The following ATP10A variants were observed in gnomAD, a reference collection of about 807,000 sequenced individuals.
ATP10A encodes the protein phospholipid-transporting ATPase VA.
In ATP10A, 111 loss-of-function variants were observed where a neutral mutation model predicts 147.8. That is an observed-to-expected ratio of 0.75 (90% CI 0.64 to 0.88). The LOEUF (loss-of-function observed/expected upper bound fraction) is 0.88, where lower values mean the gene tolerates loss of function less well. Ranked by LOEUF, ATP10A falls within the 40% of genes least tolerant of loss-of-function variation. ATP10A has a pLI of 0.00. For synonymous variants in ATP10A, 875 were observed against 841.6 expected, an observed-to-expected ratio of 1.04 and a Z score of -0.69; for missense variants, 1,927 against 1,959.0, an observed-to-expected ratio of 0.98 and a Z score of 0.31.
intron 1 of ATP10A, among the ~76,000 whole-genome samples, chr15:25,794,104 G>A (rs1463936325): frequency 6.6e-6 from 1 of 152,186 alleles, no homozygotes. Flanking sequence ...TGATTATAAG[G>A]TCCCTCTCTC....
At chr15:25,682,729 A>G (rs544123614) in intron 17 of ATP10A, among the ~76,000 whole-genome samples, 13 of 152,198 alleles carry the variant, frequency 8.5e-5, no homozygotes, top group Non-Finnish European at 1.5e-4. Context: ...CAGTGAATGA[A>G]TCTGGAATTA....
At chr15:25,838,216 G>T (rs1892671541) in intron 1 of ATP10A, among the ~76,000 whole-genome samples, 1 of 152,198 alleles carries the variant, frequency 6.6e-6, no homozygotes. Flanking sequence ...TCAATCAAAT[G>T]TGAAGCCAAC....
intron 1 of ATP10A, among the ~76,000 whole-genome samples, chr15:25,790,131 T>G (rs923979668): frequency 1.3e-5 from 2 of 152,178 alleles, no homozygotes; most frequent in African/African-American, 4.8e-5. Flanking sequence ...CCTTCCACCA[T>G]AAACTGAAAC....
chr15:25,793,483 T>TA (rs1488167185), intron 1 of ATP10A, among the ~76,000 whole-genome samples: 1 of 152,228 alleles, frequency 6.6e-6, no homozygotes, highest in Non-Finnish European at 1.5e-5. Flanking sequence ...CTTCCCCTTC[T>TA]AAGTGCTCAT....
intron 1 of ATP10A, among the ~76,000 whole-genome samples, chr15:25,813,046 G>A (rs1891498892): frequency 2.0e-5 from 3 of 152,296 alleles, no homozygotes; most frequent in South Asian, 4.1e-4. Context: ...ACGGAGACAC[G>A]GGCAGATGAA....
intron 9 of ATP10A, among the ~76,000 whole-genome samples, chr15:25,715,482 C>T (rs744280): frequency 0.35 from 52,812 of 152,170 alleles, 9,748 homozygotes; most frequent in African/African-American, 0.47. Flanking sequence ...CATCTCTCAC[C>T]CTTCATTTAA....
At chr15:25,720,609 AAG>A (rs1319796323) in intron 7 of ATP10A, among the ~76,000 whole-genome samples, 3 of 152,078 alleles carry the variant, frequency 2.0e-5, no homozygotes, top group East Asian at 1.9e-4. Context: ...AGAAGGGAAA[AAG>A]AGAGGAGAGG....
At chr15:25,862,594 G>A in intron 1 of ATP10A, 54 bp downstream of exon 1, 4 of 1,461,470 alleles carry the variant, frequency 2.7e-6, no homozygotes, top group African/African-American at 1.4e-5. Flanking sequence ...CCAAGTTCCC[G>A]GGGCGCCCTG....
At chr15:25,854,847 C>G (rs918973309) in intron 1 of ATP10A, among the ~76,000 whole-genome samples, 1 of 152,156 alleles carries the variant, frequency 6.6e-6, no homozygotes, top group Non-Finnish European at 1.5e-5. Flanking sequence ...CATCTGAAGT[C>G]AGGAGTTCGA....
At chr15:25,804,785 T>A (rs962472087) in intron 1 of ATP10A, among the ~76,000 whole-genome samples, 1 of 152,232 alleles carries the variant, frequency 6.6e-6, no homozygotes, top group Non-Finnish European at 1.5e-5. Flanking sequence ...CAGCACAAAG[T>A]AGGCCTTTGC....
chr15:25,853,953 G>GAAAAAAAAAA (rs60346962), intron 1 of ATP10A, among the ~76,000 whole-genome samples: 1 of 123,540 alleles, frequency 8.1e-6, no homozygotes, highest in Non-Finnish European at 1.7e-5. Context: ...GAAAAAAAAA[G>GAAAAAAAAAA]AAAAAAAAAA....
downstream of ATP10A, among the ~76,000 whole-genome samples, chr15:25,673,618 G>C (rs557644548): frequency 1.5e-4 from 23 of 152,314 alleles, no homozygotes; most frequent in African/African-American, 5.5e-4. Context: ...TTCCAGAGTA[G>C]AGCGTTCTGA....
At position 25,716,716 on chromosome 15, in the gene ATP10A, C is replaced by T; in HGVS notation, c.1776+14G>A. On this transcript the variant is annotated intron_variant, in intron 9 of 20. Transcript: ENST00000555815. ...GAAGGTCAAGGTCAAGCTCAGGGAC[C>T]CTCCAGAACTTGCCTTTGTTCGTGG... The T allele has an allele frequency of 6.5e-7, 1 of 1,547,324 alleles. No homozygotes were observed. Among genetic ancestry groups the T allele is most frequent in the African/African-American group, 1.4e-5 (1 of 72,758 alleles).
At chr15:25,812,377 T>A (rs1891471229) in intron 1 of ATP10A, among the ~76,000 whole-genome samples, 1 of 152,206 alleles carries the variant, frequency 6.6e-6, no homozygotes, top group African/African-American at 2.4e-5. Flanking sequence ...CACAGAGTGT[T>A]ATGTTCTATG....
chr15:25,672,889 G>A (rs1223792446), downstream of ATP10A, among the ~76,000 whole-genome samples: 4 of 152,126 alleles, frequency 2.6e-5, no homozygotes, highest in African/African-American at 9.7e-5. Flanking sequence ...GGAGGGAGAA[G>A]GGGTCCTAGG....
chr15:25,825,789 A>T (rs1325891746), intron 1 of ATP10A, among the ~76,000 whole-genome samples: 2 of 152,142 alleles, frequency 1.3e-5, no homozygotes, highest in Non-Finnish European at 2.9e-5. Context: ...ATTTTCAACA[A>T]CAAAAAAATT....
At chr15:25,692,837 C>T (rs1326793103) in intron 14 of ATP10A, among the ~76,000 whole-genome samples, 2 of 151,944 alleles carry the variant, frequency 1.3e-5, no homozygotes. Context: ...ACTCTGTCAC[C>T]CAGGCTAGGT....
chr15:25,727,115 C>A, intron 4 of ATP10A, 45 bp downstream of exon 4: 1 of 1,390,908 alleles, frequency 7.2e-7, no homozygotes, highest in Non-Finnish European at 1.0e-6. Context: ...TGCTGGAGAA[C>A]ACAGCGCTGT....
intron 4 of ATP10A, among the ~76,000 whole-genome samples, chr15:25,726,853 T>C (rs367595527): frequency 2.5e-4 from 38 of 149,978 alleles, no homozygotes; most frequent in East Asian, 4.1e-4. Flanking sequence ...AGATTGAGAC[T>C]ATCCTGGCTA....
Sources: gnomAD v4.1 joint callset for allele counts (sites outside exome capture counted in the v4.1 genomes callset) on GRCh38, gnomAD v4.1.1 for gene constraint, MANE v1.5 for transcripts, NCBI Gene and HGNC (gene_info 2026-07-23, HGNC 2026-07-21) for gene names.